Variants in AGAP1 observed in about 807,000 individuals in gnomAD.
The protein encoded by AGAP1 is arf-GAP with GTPase, ANK repeat and PH domain-containing protein 1.
In AGAP1, 29 loss-of-function variants were observed where a neutral mutation model predicts 105.3. That is an observed-to-expected ratio of 0.28 (90% CI 0.21 to 0.38). The LOEUF is 0.38. Among genes scored for constraint, AGAP1 ranks in the 10% least tolerant of loss-of-function variants. The pLI is 1.00. For synonymous variants in AGAP1, 509 were observed against 485.9 expected (o/e 1.05, Z -0.63); for missense variants, 998 against 1,165.1 (o/e 0.86, Z 2.09).
At chr2:235,847,891 G>A (rs987623235) in intron 9 of AGAP1, among the ~76,000 whole-genome samples, 7 of 152,190 alleles carry the variant, frequency 4.6e-5, no homozygotes, top group Non-Finnish European at 7.3e-5. Flanking sequence ...CTTACCAGGC[G>A]GCCTTGGAAG....
At chr2:236,057,403 C>G (rs953165612) in intron 16 of AGAP1, among the ~76,000 whole-genome samples, 1 of 152,226 alleles carries the variant, frequency 6.6e-6, no homozygotes, top group Admixed American at 6.5e-5. Context: ...GCCACTGTGC[C>G]TGGCCAAAAC....
At chr2:236,021,178 A>AG (rs2056871538) in intron 13 of AGAP1, among the ~76,000 whole-genome samples, 1 of 151,994 alleles carries the variant, frequency 6.6e-6, no homozygotes, top group Non-Finnish European at 1.5e-5. Context: ...AAAAAAAAAA[A>AG]AAAAAACTAA....
rs1180199249 is a variant in AGAP1, at chr2:235,551,588, C to T, written c.163+56739C>T. ...TGCTGGGATTATAGGCATCAACTAC[C>T]ATTGCCAGCCTGAGCTGCATGCATT... On this transcript the variant is annotated intron_variant, in intron 1 of 17. Transcript: ENST00000304032. The surrounding 1 kb of genome is among the most constrained non-coding windows in gnomAD (Gnocchi z 4.8). 1.3e-5 allele frequency among the ~76,000 whole-genome samples: 2 copies of T among 152,212 alleles called. No individual in the cohort carries two copies. Among genetic ancestry groups the T allele is most frequent in the Non-Finnish European group, 2.9e-5 (2 of 68,038 alleles).
At position 235,867,027 on chromosome 2, in the gene AGAP1, G is replaced by GT. The variant is rs1056503750; in HGVS notation, c.1051-16317dup. Reference sequence around the variant, plus strand: ...AATAGTCATCGTCTAAGGGATGGGCGTCGGGGGGTGCTTGCTTATGCGGAG... The same window carrying GT: ...AATAGTCATCGTCTAAGGGATGGGCGTTCGGGGGGTGCTTGCTTATGCGGAG... On this transcript the variant is annotated intron_variant, in intron 9 of 17. Transcript: ENST00000304032. The surrounding 1 kb of genome is among the most constrained non-coding windows in gnomAD (Gnocchi z 5.4). Among the ~76,000 whole-genome samples the GT allele has an allele frequency of 3.4e-4, 52 of 152,314 alleles. No individual in the cohort carries two copies. The highest frequency in any genetic ancestry group is 1.2e-3 in the African/African-American group (51 of 41,562).
At position 235,940,605 on chromosome 2, in the gene AGAP1, C is replaced by T. The variant is rs115283690; in HGVS notation, c.1483+9682C>T. On this transcript the variant is annotated intron_variant, in intron 12 of 17. Transcript: ENST00000304032. Reference sequence around the variant, plus strand: ...CAGCCACTCTCCATCCCATTCTTTGCGGTTACCCAGACTTCTTGTTTTTCT... The same window carrying T: ...CAGCCACTCTCCATCCCATTCTTTGTGGTTACCCAGACTTCTTGTTTTTCT... Among the ~76,000 whole-genome samples, 536 of 152,310 alleles carry T rather than the reference C, an allele frequency of 3.5e-3. 2 individuals are homozygous for T. Among genetic ancestry groups the T allele is most frequent in the African/African-American group, 0.012 (480 of 41,572 alleles).
At chr2:235,846,033 A>T (rs1050977915) in intron 9 of AGAP1, among the ~76,000 whole-genome samples, 6 of 152,118 alleles carry the variant, frequency 3.9e-5, no homozygotes, top group East Asian at 1.9e-4. Context: ...TTAAAAAAAA[A>T]TTTTAATTTC....
Position 235,574,312 on chromosome 2 carries a change from A to G in AGAP1, c.163+79463A>G, listed in dbSNP as rs1047988416. ...AATCTTCCGAACAGAAAAGCTGAAA[A>G]TGTTCCCTTACCTTAAGGGAAAGGC... On this transcript the variant is annotated intron_variant, in intron 1 of 17. Transcript: ENST00000304032. This position sits in a 1 kb window ranked among gnomAD's most constrained non-coding sequence, Gnocchi z 5.0. 2.0e-5 allele frequency among the ~76,000 whole-genome samples: 3 copies of G among 152,200 alleles called. No homozygotes were observed. The highest frequency in any genetic ancestry group is 2.9e-5 in the Non-Finnish European group (2 of 68,026).
intron 16 of AGAP1, among the ~76,000 whole-genome samples, chr2:236,094,278 G>A (rs1188056791): frequency 6.7e-6 from 1 of 149,334 alleles, no homozygotes; most frequent in Non-Finnish European, 1.5e-5. Flanking sequence ...AACATAATGA[G>A]ACTCTATATC....
chr2:235,644,635 T>C (rs1243255952), intron 1 of AGAP1, among the ~76,000 whole-genome samples: 5 of 152,154 alleles, frequency 3.3e-5, no homozygotes, highest in South Asian at 2.1e-4. Context: ...GTCAGGCGCT[T>C]GGCCACCAGG....
chr2:235,756,199 C>T (rs1026208392), intron 6 of AGAP1, among the ~76,000 whole-genome samples: 2 of 152,122 alleles, frequency 1.3e-5, no homozygotes, highest in East Asian at 1.9e-4. Context: ...TCCTGAGTAG[C>T]GTGTTCGGAG....
intron 13 of AGAP1, among the ~76,000 whole-genome samples, chr2:235,990,220 T>A (rs1460765195): frequency 6.6e-6 from 1 of 152,238 alleles, no homozygotes; most frequent in Non-Finnish European, 1.5e-5. Flanking sequence ...CTATTTGAGC[T>A]GTAGATGCTG....
intron 11 of AGAP1, among the ~76,000 whole-genome samples, chr2:235,917,166 C>A (rs1276694261): frequency 6.6e-6 from 1 of 151,554 alleles, no homozygotes; most frequent in Non-Finnish European, 1.5e-5. Flanking sequence ...TCCTCTACAT[C>A]CCCCCCTTCC....
In AGAP1 at chr2:236,058,536, T is replaced by G. The variant is rs1279133504; in HGVS notation, c.2114+9255T>G. ...GACAAAACCACGTGCCCTTTCATGG[T>G]AACAAACACTCAGCAAACTAGAAAT... On this transcript the variant is annotated intron_variant, in intron 16 of 17. Transcript: ENST00000304032. This position sits in a 1 kb window ranked among gnomAD's most constrained non-coding sequence, Gnocchi z 4.6. 1.3e-5 allele frequency among the ~76,000 whole-genome samples: 2 copies of G among 152,192 alleles called. No individual in the cohort carries two copies. The highest frequency in any genetic ancestry group is 2.9e-5 in the Non-Finnish European group (2 of 68,028).
At chr2:235,534,542 A>G (rs552386286) in intron 1 of AGAP1, among the ~76,000 whole-genome samples, 75 of 152,328 alleles carry the variant, frequency 4.9e-4, no homozygotes, top group Admixed American at 1.8e-3. Flanking sequence ...ATTTGTCTCC[A>G]TAACCTGTTT....
intron 9 of AGAP1, chr2:235,852,755 C>A: frequency 7.2e-6 from 11 of 1,538,070 alleles, no homozygotes; most frequent in Non-Finnish European, 8.8e-6. Flanking sequence ...CCGTGCCCGT[C>A]AGTCCTCCCC....
chr2:235,992,176 G>C lies in AGAP1; in HGVS notation c.1645+23553G>C, dbSNP rs111714532. On this transcript the variant is annotated intron_variant, in intron 13 of 17. Coordinates refer to ENST00000304032, the MANE Select transcript of AGAP1 (RefSeq NM_001037131.3). This position sits in a 1 kb window ranked among gnomAD's most constrained non-coding sequence, Gnocchi z 4.8. ...GCCTGTCTTCCTGGGTCCGAGTTGCGTGGTTAGGAGCGCAGCGGAGGAGCC... is the reference window on the plus strand; with the variant it reads ...GCCTGTCTTCCTGGGTCCGAGTTGCCTGGTTAGGAGCGCAGCGGAGGAGCC... 0.022 allele frequency among the ~76,000 whole-genome samples: 3,330 copies of C among 152,148 alleles called. 117 individuals are homozygous for C. Among genetic ancestry groups the C allele is most frequent in the African/African-American group, 0.076 (3,139 of 41,494 alleles).
At position 235,898,944 on chromosome 2, in the gene AGAP1, A is replaced by C. The variant is rs145781511; in HGVS notation, c.1156-9794A>C. On this transcript the variant is annotated intron_variant, in intron 10 of 17. Transcript: ENST00000304032. ...GAATTATCTGATTCATTTGAATGGAATCTAATACAAGGTGCTGTGAACTCC... is the reference window on the plus strand; with the variant it reads ...GAATTATCTGATTCATTTGAATGGACTCTAATACAAGGTGCTGTGAACTCC... Among the ~76,000 whole-genome samples, 10 of 152,334 alleles carry C rather than the reference A, an allele frequency of 6.6e-5. No individual in the cohort carries two copies. The East Asian group carries it at 1.9e-3, about 29-fold the overall frequency.
chr2:236,008,159 T>C (rs1576041295), intron 13 of AGAP1, among the ~76,000 whole-genome samples: 1 of 152,216 alleles, frequency 6.6e-6, no homozygotes, highest in East Asian at 1.9e-4. Context: ...AAAATAAAAC[T>C]GATCACGGTA....
chr2:235,908,816 C>T lies in AGAP1; in HGVS notation c.1234C>T (p.Arg412Ter). Residue 412 changes from arginine to a stop codon, truncating the protein, a stop_gained, in exon 11 of 18, where the codon CGA becomes TGA. Coordinates refer to ENST00000304032, the MANE Select transcript of AGAP1 (RefSeq NM_001037131.3). LOFTEE classifies it high-confidence loss of function. The surrounding 1 kb of genome is among the most constrained non-coding windows in gnomAD (Gnocchi z 4.4). ...TVKVPGKRPP[R>*]ATSACAPISS... is the part of the protein sequence containing the mutation. ...GAAAGTCCCAGGGAAGAGGCCACCC[C>T]GAGCCACGTCAGCCTGCGCACCCAT... The T allele has an allele frequency of 1.2e-6, 2 of 1,613,870 alleles. No homozygotes were observed. The highest frequency in any genetic ancestry group is 2.2e-5 in the East Asian group (1 of 44,880).
Sources: gnomAD v4.1 joint callset for allele counts (sites outside exome capture counted in the v4.1 genomes callset) on GRCh38, gnomAD v4.1.1 for gene constraint, Gnocchi (gnomAD v3.1) non-coding constraint, MANE v1.5 for transcripts, NCBI Gene and HGNC (gene_info 2026-07-23, HGNC 2026-07-21) for gene names.